Variants in CD40 observed in about 807,000 individuals in gnomAD.
CD40 encodes CD40 molecule, also known as tumor necrosis factor receptor superfamily member 5.
In CD40, 19 loss-of-function variants were observed where a neutral mutation model predicts 38.5. The ratio of observed to expected loss-of-function variants is 0.49; its 90% confidence interval spans 0.34 to 0.72. The LOEUF is 0.72. Among genes scored for constraint, CD40 ranks in the 30% least tolerant of loss-of-function variants. CD40 has a pLI of 0.01. For missense variants in CD40, 256 were observed against 344.1 expected (o/e 0.74, Z 2.03); for synonymous variants, 130 against 128.7 (o/e 1.01, Z -0.07).
At chr20:46,124,192 C>T (rs1033601907) in intron 5 of CD40, among the ~76,000 whole-genome samples, 8 of 152,054 alleles carry the variant, frequency 5.3e-5, no homozygotes, top group African/African-American at 1.4e-4. Context: ...CCCAGCTCCT[C>T]GGGAGGCTGA....
At chr20:46,119,302 G>C (rs2085272362) in intron 1 of CD40, among the ~76,000 whole-genome samples, 1 of 152,218 alleles carries the variant, frequency 6.6e-6, no homozygotes, top group Non-Finnish European at 1.5e-5. Flanking sequence ...GAGGGCTGTA[G>C]ATTCCTGCCT....
At chr20:46,126,563 GA>G (rs1236995137) in intron 5 of CD40, 76 bp from the exon 6 acceptor site, 42 of 1,578,954 alleles carry the variant, frequency 2.7e-5, no homozygotes, top group Non-Finnish European at 3.6e-5. Flanking sequence ...TCTAGAGTTG[GA>G]AATCTTATGC....
rs2085496914 is a variant in CD40, at chr20:46,128,928, A to G, written c.722A>G (p.Asp241Gly). The G allele has an allele frequency of 6.2e-7, 1 of 1,614,136 alleles. No individual in the cohort carries two copies. Among genetic ancestry groups the G allele is most frequent in the Non-Finnish European group, 8.5e-7 (1 of 1,180,022 alleles). ...CCCCAGGAGATCAATTTTCCCGACG[A>G]TCTTCCTGGCTCCAACACTGCTGCT... ...QEPQEINFPD[D>G]LPGSNTAAPV... The change falls in exon 9 of 9, where the codon GAT becomes GGT. Residue 241 changes from aspartate to glycine, a missense_variant. Transcript: ENST00000372285.
In CD40 at chr20:46,128,163, G is replaced by C. The variant is rs748519791; in HGVS notation, c.585G>C (p.Leu195=). Reference sequence around the variant, plus strand: ...GTCCCCAGGATCGGCTGAGAGCCCTGGTGGTGATCCCCATCATCTTCGGGA... The same window carrying C: ...GTCCCCAGGATCGGCTGAGAGCCCTCGTGGTGATCCCCATCATCTTCGGGA... ...VCGPQDRLRA[L]VVIPIIFGIL... Residue 195 remains leucine (L), a synonymous_variant, in exon 7 of 9, where the codon CTG becomes CTC. Transcript: ENST00000372285. 7.4e-6 allele frequency: 12 copies of C among 1,613,886 alleles called. No homozygotes were observed.
Position 46,122,044 on chromosome 20 carries a change from C to G in CD40, c.130+146C>G. On this transcript the variant is annotated intron_variant, in intron 2 of 8. Coordinates refer to ENST00000372285, the MANE Select transcript of CD40 (RefSeq NM_001250.6). The surrounding 1 kb of genome is among the most constrained non-coding windows in gnomAD (Gnocchi z 5.0). ...CTGTCAGAATGTTCTGGTTCCCTCT[C>G]TACCAGGTAAAACTCTGTCTACCCT... 2 of 1,021,780 alleles carry G rather than the reference C, an allele frequency of 2.0e-6. No homozygotes were observed. The highest frequency in any genetic ancestry group is 3.0e-6 in the Non-Finnish European group (2 of 662,208). The allele number at this position is 1,021,780 out of a possible 1,614,324, so 63.3% of individuals were successfully genotyped here.
rs201089032 is a variant in CD40, at chr20:46,122,408, C to T, written c.256+50C>T. The T allele has an allele frequency of 1.6e-4, 258 of 1,612,582 alleles. 2 individuals are homozygous for T. In the South Asian group the frequency reaches 2.2e-3, roughly 14 times the overall value. ...CGCTTGGGAACCGGGCTGATATTCC[C>T]GACAATGCAGCCATTCTAATTTTAT... On this transcript the variant is annotated intron_variant, in intron 3 of 8. Transcript: ENST00000372285. The surrounding 1 kb of genome is among the most constrained non-coding windows in gnomAD (Gnocchi z 5.0).
At chr20:46,128,857 G>C (rs779861390) in intron 8 of CD40, 25 bp from the exon 9 acceptor site, 1 of 1,613,502 alleles carries the variant, frequency 6.2e-7, no homozygotes, top group Admixed American at 1.7e-5. Flanking sequence ...GCTGCTGGGG[G>C]TGACCTCACA....
chr20:46,119,567 C>T (rs1012599632), intron 1 of CD40, among the ~76,000 whole-genome samples: 1 of 152,126 alleles, frequency 6.6e-6, no homozygotes, highest in Non-Finnish European at 1.5e-5. Context: ...AGAGTTTGCC[C>T]TCATAACTCC....
chr20:46,124,235 GT>G (rs1477942290), intron 5 of CD40, among the ~76,000 whole-genome samples: 1 of 152,228 alleles, frequency 6.6e-6, no homozygotes, highest in Non-Finnish European at 1.5e-5. Flanking sequence ...GGAAGGTGGA[GT>G]TTGCAGTGAG....
chr20:46,124,108 C>G (rs1447337895), intron 5 of CD40, among the ~76,000 whole-genome samples: 3 of 152,106 alleles, frequency 2.0e-5, no homozygotes, highest in African/African-American at 4.8e-5. Context: ...GACCAGCCAG[C>G]ACAACATGGT....
rs2085344582 is a variant in CD40, at chr20:46,122,762, T to A, written c.403+6T>A. The A allele has an allele frequency of 6.2e-7, 1 of 1,614,076 alleles. No individual in the cohort carries two copies. The highest frequency in any genetic ancestry group is 8.5e-7 in the Non-Finnish European group (1 of 1,179,974). On this transcript the variant is annotated splice_donor_region_variant and intron_variant, in intron 4 of 8. Coordinates refer to ENST00000372285, the MANE Select transcript of CD40 (RefSeq NM_001250.6). The surrounding 1 kb of genome is among the most constrained non-coding windows in gnomAD (Gnocchi z 5.0). ...CTTTGGGGTCAAGCAGATTGGTAAG[T>A]GGCTCATCTGGGAATCAGTTTTGGA...
At chr20:46,119,398 C>G (rs989419998) in intron 1 of CD40, among the ~76,000 whole-genome samples, 15 of 152,044 alleles carry the variant, frequency 9.9e-5, no homozygotes, top group Non-Finnish European at 1.6e-4. Flanking sequence ...CTGCTTTGGT[C>G]CCACAGCTTT....
chr20:46,126,117 C>T (rs948964012), intron 5 of CD40, among the ~76,000 whole-genome samples: 2 of 152,184 alleles, frequency 1.3e-5, no homozygotes, highest in African/African-American at 4.8e-5. Context: ...ACATTTCATT[C>T]GTCACAAACG....
chr20:46,128,303 C>CTT (rs1568912329), intron 7 of CD40, 27 bp from the exon 8 acceptor site: 1 of 1,354,494 alleles, frequency 7.4e-7, no homozygotes, highest in African/African-American at 1.6e-5. Context: ...AACTCCCCAT[C>CTT]CTTTTTTTTT....
chr20:46,128,146 G>T lies in CD40; in HGVS notation c.568G>T (p.Asp190Tyr). ...AGTCCTGATTTCTCCAGGTCCCCAG[G>T]ATCGGCTGAGAGCCCTGGTGGTGAT... is the stretch of plus-strand genomic sequence containing the variant. ...NKTDVVCGPQDRLRALVVIPI... is the reference protein window; with the variant it reads ...NKTDVVCGPQYRLRALVVIPI... The change falls in exon 7 of 9, where the codon GAT becomes TAT. Residue 190 changes from aspartate (D) to tyrosine (Y), a missense_variant. Asp to Tyr is a radical substitution (Grantham distance 160, BLOSUM62 -3). Coordinates refer to ENST00000372285, the MANE Select transcript of CD40 (RefSeq NM_001250.6). 1 of 1,613,772 alleles carries T rather than the reference G, an allele frequency of 6.2e-7. No homozygotes were observed. Among genetic ancestry groups the T allele is most frequent in the Non-Finnish European group, 8.5e-7 (1 of 1,179,870 alleles).
At chr20:46,124,289 C>T (rs1350885994) in intron 5 of CD40, among the ~76,000 whole-genome samples, 1 of 152,124 alleles carries the variant, frequency 6.6e-6, no homozygotes, top group Non-Finnish European at 1.5e-5. Flanking sequence ...AACAGAGCGA[C>T]ATTCTGTCTC....
At chr20:46,120,522 C>T (rs770500516) in intron 1 of CD40, among the ~76,000 whole-genome samples, 2 of 152,148 alleles carry the variant, frequency 1.3e-5, no homozygotes, top group African/African-American at 4.8e-5. Flanking sequence ...TTTTAAAAAT[C>T]CTTCTCATTT....
chr20:46,121,391 G>A (rs1006511189), intron 1 of CD40, among the ~76,000 whole-genome samples: 3 of 152,190 alleles, frequency 2.0e-5, no homozygotes, highest in African/African-American at 7.2e-5. Flanking sequence ...AGCAGGAAGG[G>A]AAGCAGAAGA....
intron 5 of CD40, among the ~76,000 whole-genome samples, chr20:46,124,958 G>T (rs981646238): frequency 6.6e-6 from 1 of 151,106 alleles, no homozygotes; most frequent in Non-Finnish European, 1.5e-5. Context: ...TAGTAGAGAC[G>T]GCGTTTCACC....
Sources: gnomAD v4.1 joint callset for allele counts (sites outside exome capture counted in the v4.1 genomes callset) on GRCh38, gnomAD v4.1.1 for gene constraint, Gnocchi (gnomAD v3.1) non-coding constraint, MANE v1.5 for transcripts, NCBI Gene and HGNC (gene_info 2026-07-23, HGNC 2026-07-21) for gene names.